The following BICRAL variants were observed in gnomAD, a reference collection of about 807,000 sequenced individuals.
BICRAL encodes BICRA like chromatin remodeling complex associated protein.
Under a neutral mutation model 91.8 loss-of-function variants are expected in BICRAL, and 8 were observed. The observed-to-expected ratio is 0.09, with a 90% CI of 0.05 to 0.16. The LOEUF (loss-of-function observed/expected upper bound fraction) is 0.16. Ranked by LOEUF, BICRAL falls within the 10% of genes least tolerant of loss-of-function variation. The pLI is 1.00. For missense variants in BICRAL, 1,038 were observed against 1,310.9 expected, an observed-to-expected ratio of 0.79 and a Z score of 3.21; for synonymous variants, 445 against 491.1, an observed-to-expected ratio of 0.91 and a Z score of 1.24.
In BICRAL at chr6:42,823,749, C is replaced by T. The variant is rs181317191; in HGVS notation, c.159+746C>T. On this transcript the variant is annotated intron_variant, in intron 5 of 12. Transcript: ENST00000314073. ...TCAGCCTGGCCAAGATGGTAAAACCCCATCTCTACTAAAAATACAAAAAAA... is the reference window on the plus strand; with the variant it reads ...TCAGCCTGGCCAAGATGGTAAAACCTCATCTCTACTAAAAATACAAAAAAA... Among the ~76,000 whole-genome samples the T allele has an allele frequency of 6.9e-3, 1,046 of 151,634 alleles. 4 individuals carry two copies. The highest frequency in any genetic ancestry group is 0.022 in the African/African-American group (919 of 41,346).
intron 1 of BICRAL, among the ~76,000 whole-genome samples, chr6:42,809,340 C>T (rs1001928494): frequency 6.6e-6 from 1 of 151,852 alleles, no homozygotes; most frequent in Admixed American, 6.6e-5. Flanking sequence ...GGAATTAAAG[C>T]AGTTTAAAGA....
intron 1 of BICRAL, among the ~76,000 whole-genome samples, chr6:42,784,983 T>C (rs1185864376): frequency 1.3e-5 from 2 of 152,296 alleles, no homozygotes; most frequent in East Asian, 3.9e-4. Context: ...TGCACTGTTC[T>C]GCTCTTTTTT....
chr6:42,799,933 T>C (rs377255454), intron 1 of BICRAL, among the ~76,000 whole-genome samples: 1 of 152,094 alleles, frequency 6.6e-6, no homozygotes, highest in African/African-American at 2.4e-5. Flanking sequence ...CAAGCTGGAG[T>C]GCAGTGGCCC....
upstream of BICRAL, among the ~76,000 whole-genome samples, chr6:42,781,157 G>C (rs1762895101): frequency 6.6e-6 from 1 of 152,034 alleles, no homozygotes; most frequent in Non-Finnish European, 1.5e-5. Flanking sequence ...TTAAAAGATT[G>C]ACTAGCTCTC....
intron 1 of BICRAL, among the ~76,000 whole-genome samples, chr6:42,797,855 A>G (rs573314034): frequency 6.6e-6 from 1 of 152,216 alleles, no homozygotes; most frequent in East Asian, 1.9e-4. Context: ...ACATGCCTGT[A>G]ATCCCAGCTG....
chr6:42,837,490 G>A (rs958002542), intron 6 of BICRAL, among the ~76,000 whole-genome samples: 10 of 151,506 alleles, frequency 6.6e-5, no homozygotes, highest in African/African-American at 1.2e-4. Context: ...GTTGACTCAC[G>A]CCTGTAATCG....
intron 1 of BICRAL, among the ~76,000 whole-genome samples, chr6:42,803,865 G>A (rs1763638665): frequency 1.3e-5 from 2 of 152,182 alleles, no homozygotes; most frequent in Admixed American, 6.5e-5. Context: ...ATATGGTATA[G>A]CCTATTGTTC....
rs1765761519 is a variant in BICRAL at position 42,867,931 on chromosome 6, G to A, written c.*2485G>A. 1 of 152,592 alleles carries A rather than the reference G, an allele frequency of 6.6e-6. No individual in the cohort carries two copies. The highest frequency in any genetic ancestry group is 2.1e-4 in the South Asian group (1 of 4,832). The allele number at this position is 152,592 out of a possible 1,614,324, so 9.5% of individuals were successfully genotyped here. On this transcript the variant is annotated 3_prime_UTR_variant, in exon 13 of 13. Transcript: ENST00000314073. ...TCCTGTGATTAGGTTCTACGCACAT[G>A]GGTCATAACTCGCATGTCGAGCCCC...
intron 1 of BICRAL, among the ~76,000 whole-genome samples, chr6:42,795,023 A>G (rs1763382951): frequency 6.6e-6 from 1 of 152,134 alleles, no homozygotes; most frequent in African/African-American, 2.4e-5. Flanking sequence ...CTCTCCACCA[A>G]TACTCACAAA....
chr6:42,808,427 G>A lies in BICRAL; in HGVS notation c.-101-1879G>A, dbSNP rs147724620. ...TTACAGGCAAGAGCCACTGTGCCCA[G>A]CTGTTTATCTTAATGAAATGTGGGC... On this transcript the variant is annotated intron_variant, in intron 1 of 12. Transcript: ENST00000314073. 3.2e-3 allele frequency among the ~76,000 whole-genome samples: 484 copies of A among 152,266 alleles called. 9 individuals are homozygous for A. The highest frequency in any genetic ancestry group is 0.029 in the Admixed American group (450 of 15,290).
At chr6:42,783,192 T>A (rs1181829457) in intron 1 of BICRAL, among the ~76,000 whole-genome samples, 1 of 151,388 alleles carries the variant, frequency 6.6e-6, no homozygotes, top group Non-Finnish European at 1.5e-5. Context: ...GGACTGCCCC[T>A]TCCCAGCCGC....
chr6:42,792,791 T>TA (rs1763310174), intron 1 of BICRAL, among the ~76,000 whole-genome samples: 1 of 151,792 alleles, frequency 6.6e-6, no homozygotes, highest in South Asian at 2.1e-4. Context: ...CAGGTACCTG[T>TA]AATCCCAGCT....
At position 42,751,740 on chromosome 6, in the gene BICRAL, C is replaced by A. The variant is rs189340453; in HGVS notation, c.-261+4717C>A. ...TGGCATGATCTTGGCTCACCGCAACCCCCGCCTCCTGGGTTCAAGCGATTT... is the reference window on the plus strand; with the variant it reads ...TGGCATGATCTTGGCTCACCGCAACACCCGCCTCCTGGGTTCAAGCGATTT... On this transcript the variant is annotated intron_variant, in intron 1 of 14. Coordinates refer to the BICRAL transcript ENST00000614467. Among the ~76,000 whole-genome samples the A allele has an allele frequency of 3.4e-3, 520 of 150,970 alleles. 1 individual carries two copies. The highest frequency in any genetic ancestry group is 0.012 in the African/African-American group (488 of 41,004).
chr6:42,836,345 A>T (rs1210024551), intron 6 of BICRAL, among the ~76,000 whole-genome samples: 1 of 152,124 alleles, frequency 6.6e-6, no homozygotes, highest in Non-Finnish European at 1.5e-5. Flanking sequence ...AGTTTCAGTT[A>T]TTCAAAGGTA....
rs2114060420 is a variant in BICRAL, at chr6:42,867,682, A to T, written c.*2236A>T. ...AAGAGACAAGATAAGCTTCATGTAC[A>T]TTTGTCACCTCTCTTTCTTCCCTAT... On this transcript the variant is annotated 3_prime_UTR_variant, in exon 13 of 13. Coordinates refer to ENST00000314073, the MANE Select transcript of BICRAL (RefSeq NM_001393499.1). 1 of 152,242 alleles carries T rather than the reference A, an allele frequency of 6.6e-6. No homozygotes were observed. The highest frequency in any genetic ancestry group is 2.4e-5 in the African/African-American group (1 of 41,548). 9.4% of individuals were successfully genotyped at this position (152,242 alleles called of 1,614,324 possible).
At chr6:42,746,516 T>G (rs2152016438), upstream of BICRAL, among the ~76,000 whole-genome samples, 1 of 144,790 alleles carries the variant, frequency 6.9e-6, no homozygotes, top group African/African-American at 2.6e-5. Context: ...GATGAGTGCG[T>G]GTGGTGGGTT....
rs1383184837 is a variant in BICRAL, at chr6:42,864,850, C to T, written c.2644C>T (p.Pro882Ser). The T allele has an allele frequency of 1.2e-6, 2 of 1,613,926 alleles. No homozygotes were observed. The highest frequency in any genetic ancestry group is 4.5e-5 in the East Asian group (2 of 44,890). ...PMNHDQFHLV[P>S]NHIVVSAEGN... ...GAATCATGACCAGTTTCATCTAGTGCCTAATCACATCGTGGTCTCTGCAGA... is the reference window on the plus strand; with the variant it reads ...GAATCATGACCAGTTTCATCTAGTGTCTAATCACATCGTGGTCTCTGCAGA... The change falls in exon 13 of 13, where the codon CCT becomes TCT. Residue 882 changes from proline (P) to serine (S), a missense_variant. Pro to Ser is a moderately conservative substitution (Grantham distance 74). Coordinates refer to ENST00000314073, the MANE Select transcript of BICRAL (RefSeq NM_001393499.1).
intron 2 of BICRAL, among the ~76,000 whole-genome samples, chr6:42,816,206 G>GA (rs11369661): frequency 0.09 from 12,560 of 139,184 alleles, 863 homozygotes; most frequent in African/African-American, 0.19. Context: ...AAAAAAAAAT[G>GA]AAAAAAAAAA....
intron 2 of BICRAL, among the ~76,000 whole-genome samples, chr6:42,819,312 A>ATTTTATTTTTAATTT (rs1764075964): frequency 6.6e-6 from 1 of 151,976 alleles, no homozygotes; most frequent in African/African-American, 2.4e-5. Context: ...TTGAGACAGA[A>ATTTTATTTTTAATTT]TCTCTCTCTG....
Sources: gnomAD v4.1 joint callset for allele counts (sites outside exome capture counted in the v4.1 genomes callset) on GRCh38, gnomAD v4.1.1 for gene constraint, MANE v1.5 for transcripts, NCBI Gene and HGNC (gene_info 2026-07-23, HGNC 2026-07-21) for gene names.